The following CNTLN variants were observed in gnomAD, a reference collection of about 807,000 sequenced individuals.
The protein encoded by CNTLN is centlein, centrosomal protein.
CNTLN carries 212 observed loss-of-function variants against 180.0 expected under a neutral mutation model. That is an observed-to-expected ratio of 1.18 (90% CI 1.05 to 1.32). The LOEUF is 1.32. CNTLN is among the 40% of genes most tolerant of loss of function. The pLI, the probability that CNTLN is intolerant of heterozygous loss-of-function variation, is 0.00. For missense variants in CNTLN, 2,095 were observed against 1,610.9 expected (o/e 1.30, Z -5.14); for synonymous variants, 722 against 563.1 (o/e 1.28, Z -3.99).
chr9:17,175,340 A>G (rs892717053), intron 2 of CNTLN, among the ~76,000 whole-genome samples: 1 of 152,106 alleles, frequency 6.6e-6, no homozygotes. Flanking sequence ...AAGGAGGTCA[A>G]GTTTCTTTTC....
chr9:17,316,873 G>T (rs1012897020), intron 8 of CNTLN, among the ~76,000 whole-genome samples: 7 of 152,070 alleles, frequency 4.6e-5, no homozygotes, highest in African/African-American at 1.7e-4. Flanking sequence ...AGAAATTCAT[G>T]TGAACTTAAT....
intron 7 of CNTLN, chr9:17,298,757 A>C (rs1774462569): frequency 1.0e-6 from 1 of 988,878 alleles, no homozygotes; most frequent in Non-Finnish European, 1.2e-6. Context: ...AAATCTTCAC[A>C]AATACAAAGG....
intron 15 of CNTLN, 74 bp from the exon 16 acceptor site, chr9:17,409,219 G>A: frequency 7.6e-7 from 1 of 1,321,624 alleles, no homozygotes; most frequent in Non-Finnish European, 1.1e-6. Context: ...AATATTATTT[G>A]GTCTTGAACT....
intron 3 of CNTLN, among the ~76,000 whole-genome samples, chr9:17,234,716 T>G (rs1045186263): frequency 6.6e-6 from 1 of 151,924 alleles, no homozygotes; most frequent in African/African-American, 2.4e-5. Flanking sequence ...TGTCTCTTTC[T>G]TGGTTGACAG....
intron 3 of CNTLN, among the ~76,000 whole-genome samples, chr9:17,229,190 AAG>A (rs1249122852): frequency 6.6e-6 from 1 of 152,134 alleles, no homozygotes; most frequent in African/African-American, 2.4e-5. Flanking sequence ...ATGAATTGAG[AAG>A]AGAGAGTTTC....
At position 17,269,054 on chromosome 9, in the gene CNTLN, A is replaced by C. The variant is rs570415174; in HGVS notation, c.850-4679A>C. Reference sequence around the variant, plus strand: ...GCGCTGCACCCACTGTCCTGCACCCACTGCCTGGCACTCCCTAGTGAGATG... The same window carrying C: ...GCGCTGCACCCACTGTCCTGCACCCCCTGCCTGGCACTCCCTAGTGAGATG... On this transcript the variant is annotated intron_variant, in intron 5 of 25. Transcript: ENST00000380647. 2.6e-5 allele frequency among the ~76,000 whole-genome samples: 4 copies of C among 152,082 alleles called. No homozygotes were observed. In the East Asian group the frequency reaches 7.8e-4, roughly 30 times the overall value.
chr9:17,359,725 C>CAAAAAAAAAAAAAAAAAAAAAAAAAAAA (rs1176814681), intron 12 of CNTLN, among the ~76,000 whole-genome samples: 1 of 21,334 alleles, frequency 4.7e-5, no homozygotes, highest in African/African-American at 1.2e-4. Context: ...ACTAAAAATA[C>CAAAAAAAAAAAAAAAAAAAAAAAAAAAA]AAAAAAAAAA....
chr9:17,364,478 A>G (rs1352470534), intron 12 of CNTLN, among the ~76,000 whole-genome samples: 1 of 151,598 alleles, frequency 6.6e-6, no homozygotes, highest in Non-Finnish European at 1.5e-5. Flanking sequence ...ATTTTTGTCT[A>G]TTTTCTGTTT....
chr9:17,188,974 A>T (rs199798763), intron 2 of CNTLN, among the ~76,000 whole-genome samples: 1 of 109,606 alleles, frequency 9.1e-6, no homozygotes, highest in African/African-American at 3.3e-5. Context: ...TATCTTACTG[A>T]TTGTTTGATT....
intron 2 of CNTLN, among the ~76,000 whole-genome samples, chr9:17,214,603 C>A (rs1823593619): frequency 6.6e-6 from 1 of 152,110 alleles, no homozygotes; most frequent in African/African-American, 2.4e-5. Context: ...TGTTGGCCTG[C>A]CTCACTAGGT....
chr9:17,448,874 T>C (rs1364310929), intron 18 of CNTLN, among the ~76,000 whole-genome samples: 1 of 152,178 alleles, frequency 6.6e-6, no homozygotes, highest in Non-Finnish European at 1.5e-5. Flanking sequence ...GGAATAGCTA[T>C]TTCTATGTTG....
intron 5 of CNTLN, among the ~76,000 whole-genome samples, chr9:17,269,680 G>C (rs2132475726): frequency 6.6e-6 from 1 of 152,080 alleles, no homozygotes; most frequent in East Asian, 1.9e-4. Flanking sequence ...TTGTTTTATG[G>C]TCTGTCATGG....
chr9:17,291,018 C>T (rs1829364460), intron 6 of CNTLN, among the ~76,000 whole-genome samples: 1 of 152,176 alleles, frequency 6.6e-6, no homozygotes, highest in South Asian at 2.1e-4. Context: ...CCTATTCGGC[C>T]ATCTTGGCTC....
At position 17,502,673 on chromosome 9, in the gene CNTLN, T is replaced by C; in HGVS notation, c.*21T>C. ...GATGATATTAAAATGGAGAGCTTTATTGCAAATGTGAAAACTTTTTATGTG... is the reference window on the plus strand; with the variant it reads ...GATGATATTAAAATGGAGAGCTTTACTGCAAATGTGAAAACTTTTTATGTG... On this transcript the variant is annotated 3_prime_UTR_variant, in exon 26 of 26. Coordinates refer to ENST00000380647, the MANE Select transcript of CNTLN (RefSeq NM_017738.4). 9.8e-7 allele frequency: 1 copy of C among 1,025,202 alleles called. No homozygotes were observed. Among genetic ancestry groups the C allele is most frequent in the Non-Finnish European group, 1.4e-6 (1 of 714,040 alleles). The allele number at this position is 1,025,202 out of a possible 1,614,324, so 63.5% of individuals were successfully genotyped here. A position where few individuals can be genotyped will look rare whatever the true frequency, so the allele number is the denominator to read the frequency against.
chr9:17,148,693 T>G (rs1818625775), intron 2 of CNTLN, among the ~76,000 whole-genome samples: 1 of 152,204 alleles, frequency 6.6e-6, no homozygotes, highest in Non-Finnish European at 1.5e-5. Context: ...GTTTATAGTA[T>G]AAGAGCTGAA....
chr9:17,501,822 A>G (rs1833766633), intron 25 of CNTLN, among the ~76,000 whole-genome samples: 1 of 152,228 alleles, frequency 6.6e-6, no homozygotes, highest in Admixed American at 6.5e-5. Context: ...ATTCAGAAGT[A>G]ACTGGGGCTG....
At chr9:17,314,936 A>G (rs916185867) in intron 8 of CNTLN, among the ~76,000 whole-genome samples, 12 of 152,232 alleles carry the variant, frequency 7.9e-5, no homozygotes, top group Admixed American at 2.0e-4. Flanking sequence ...TATACAATGC[A>G]GTGAACTTAA....
intron 21 of CNTLN, 86 bp from the exon 22 acceptor site, chr9:17,465,895 C>T: frequency 3.1e-6 from 3 of 968,568 alleles, no homozygotes; most frequent in Non-Finnish European, 3.0e-6. Flanking sequence ...TAGACTCATT[C>T]ACTCATTTAG....
At chr9:17,271,655 T>C (rs1163156676) in intron 5 of CNTLN, among the ~76,000 whole-genome samples, 1 of 152,180 alleles carries the variant, frequency 6.6e-6, no homozygotes, top group African/African-American at 2.4e-5. Flanking sequence ...ACCATTCACC[T>C]CTTTGCTCCC....
Sources: allele counts gnomAD v4.1 joint callset (sites outside exome capture counted in the v4.1 genomes callset), GRCh38; gene constraint gnomAD v4.1.1; transcripts MANE v1.5; gene names NCBI Gene and HGNC (gene_info 2026-07-23, HGNC 2026-07-21).